Variants in HMGCLL1 observed in about 807,000 individuals in gnomAD.
The protein encoded by HMGCLL1 is 3-hydroxy-3-methylglutaryl-CoA lyase like 1, also known as 3-hydroxymethyl-3-methylglutaryl-CoA lyase, cytoplasmic.
HMGCLL1 carries 36 observed loss-of-function variants against 39.1 expected under a neutral mutation model. The observed-to-expected ratio is 0.92, with a 90% confidence interval of 0.71 to 1.22. HMGCLL1 has a LOEUF of 1.22. HMGCLL1 is among the 50% of genes most tolerant of loss of function. The probability of loss-of-function intolerance (pLI) is 0.00; values close to 1 mark genes in which losing one functional copy is unlikely to be tolerated. For synonymous variants in HMGCLL1, 149 were observed against 144.0 expected (o/e 1.03, Z -0.25); for missense variants, 451 against 416.5 (o/e 1.08, Z -0.72).
the HMGCLL1 span, among the ~76,000 whole-genome samples, chr6:55,631,799 A>C: frequency 6.6e-6 from 1 of 152,120 alleles, no homozygotes; most frequent in Non-Finnish European, 1.5e-5. Flanking sequence ...ACATTTTAAA[A>C]GATATACAAA....
intron 4 of HMGCLL1, among the ~76,000 whole-genome samples, chr6:55,515,498 A>G (rs1476536654): frequency 6.6e-6 from 1 of 152,162 alleles, no homozygotes; most frequent in African/African-American, 2.4e-5. Context: ...TTACAGATGA[A>G]ACAGCTATAG....
chr6:55,621,727 A>G, the HMGCLL1 span, among the ~76,000 whole-genome samples: 1 of 152,074 alleles, frequency 6.6e-6, no homozygotes, highest in African/African-American at 2.4e-5. Context: ...AAAGTACACA[A>G]TAAATGTACT....
intron 1 of HMGCLL1, among the ~76,000 whole-genome samples, chr6:55,573,982 G>T (rs2127478126): frequency 6.6e-6 from 1 of 152,132 alleles, no homozygotes; most frequent in East Asian, 1.9e-4. Flanking sequence ...ACAAATCGCT[G>T]ATTTTATTGT....
intron 7 of HMGCLL1, 193 bp from the exon 8 acceptor site, chr6:55,439,752 C>G (rs527975176): frequency 3.0e-4 from 136 of 450,132 alleles, no homozygotes; most frequent in Non-Finnish European, 4.6e-4. Context: ...GTCTTTGAGG[C>G]TAACAGAAAT....
At chr6:55,591,216 A>G in the HMGCLL1 span, among the ~76,000 whole-genome samples, 1 of 152,014 alleles carries the variant, frequency 6.6e-6, no homozygotes, top group African/African-American at 2.4e-5. Flanking sequence ...CTAGAGATTC[A>G]CACACTATGT....
chr6:55,468,247 G>T (rs1764877920), intron 7 of HMGCLL1, among the ~76,000 whole-genome samples: 1 of 151,880 alleles, frequency 6.6e-6, no homozygotes, highest in Admixed American at 6.6e-5. Flanking sequence ...AATGCTTTTT[G>T]AATTTTTTGA....
intron 1 of HMGCLL1, among the ~76,000 whole-genome samples, chr6:55,548,551 T>C (rs1770122691): frequency 6.6e-6 from 1 of 152,034 alleles, no homozygotes; most frequent in Middle Eastern, 3.2e-3. Context: ...TCTAAAATTG[T>C]TTATTCAAAT....
chr6:55,549,447 T>C (rs1303633366), intron 1 of HMGCLL1, among the ~76,000 whole-genome samples: 1 of 150,976 alleles, frequency 6.6e-6, no homozygotes, highest in Non-Finnish European at 1.5e-5. Context: ...TGGGATAAAA[T>C]TGTGATATGC....
At chr6:55,654,236 A>G in the HMGCLL1 span, among the ~76,000 whole-genome samples, 1 of 151,856 alleles carries the variant, frequency 6.6e-6, no homozygotes, top group Non-Finnish European at 1.5e-5. Flanking sequence ...AAAGAGGAGG[A>G]CACTGAACTG....
the HMGCLL1 span, among the ~76,000 whole-genome samples, chr6:55,667,928 G>A: frequency 6.6e-6 from 1 of 150,568 alleles, no homozygotes; most frequent in East Asian, 2.0e-4. Context: ...TTTTTAAGTT[G>A]TTTTATGTTT....
At chr6:55,583,115 A>G (rs12209169), upstream of HMGCLL1, among the ~76,000 whole-genome samples, 13,067 of 152,260 alleles carry the variant, frequency 0.086, 774 homozygotes, top group Non-Finnish European at 0.13. Flanking sequence ...TGTGCAAAGC[A>G]AATACATATA....
intron 1 of HMGCLL1, chr6:55,566,648 GA>G (rs965763050): frequency 2.2e-6 from 1 of 456,064 alleles, no homozygotes; most frequent in Admixed American, 2.3e-5. Context: ...AGAGTCATGT[GA>G]ACATGCATAT....
chr6:55,566,998 A>T (rs1180552781), intron 1 of HMGCLL1, among the ~76,000 whole-genome samples: 1 of 152,148 alleles, frequency 6.6e-6, no homozygotes, highest in Non-Finnish European at 1.5e-5. Context: ...CATTTAATGA[A>T]GACCTAAGTG....
chr6:55,642,358 G>A, the HMGCLL1 span, among the ~76,000 whole-genome samples: 267 of 151,660 alleles, frequency 1.8e-3, 3 homozygotes, highest in East Asian at 9.4e-3. Context: ...GAATAATGCC[G>A]CACTTAATCA....
chr6:55,585,351 G>C, the HMGCLL1 span, among the ~76,000 whole-genome samples: 3 of 152,082 alleles, frequency 2.0e-5, no homozygotes, highest in Non-Finnish European at 4.4e-5. Flanking sequence ...GACATGGACT[G>C]TTCGTTAACT....
chr6:55,625,763 A>G, the HMGCLL1 span, among the ~76,000 whole-genome samples: 1 of 152,178 alleles, frequency 6.6e-6, no homozygotes, highest in Middle Eastern at 3.2e-3. Flanking sequence ...CATGATTGGA[A>G]AATTGGTGAC....
the HMGCLL1 span, among the ~76,000 whole-genome samples, chr6:55,615,253 A>T: frequency 6.6e-6 from 1 of 152,176 alleles, no homozygotes; most frequent in Non-Finnish European, 1.5e-5. Flanking sequence ...TGCTATGATT[A>T]AAAACCCAAA....
At chr6:55,577,229 C>T (rs888779142) in intron 1 of HMGCLL1, 105 of 1,496,150 alleles carry the variant, frequency 7.0e-5, no homozygotes, top group Middle Eastern at 1.7e-4. Context: ...AGTTCAATTA[C>T]GATAAGATAG....
intron 7 of HMGCLL1, among the ~76,000 whole-genome samples, chr6:55,492,371 T>C (rs1244002777): frequency 1.3e-5 from 2 of 152,186 alleles, no homozygotes; most frequent in African/African-American, 2.4e-5. Context: ...TGTGTTTTTG[T>C]TGTTGTTGGA....
Sources: gnomAD v4.1 joint callset for allele counts (sites outside exome capture counted in the v4.1 genomes callset) on GRCh38, gnomAD v4.1.1 for gene constraint, MANE v1.5 for transcripts, NCBI Gene and HGNC (gene_info 2026-07-23, HGNC 2026-07-21) for gene names.